Variants in PGPEP1 observed in about 807,000 individuals in gnomAD.
PGPEP1 encodes the protein pyroglutamyl-peptidase I.
A neutral mutation model predicts 24.1 loss-of-function variants in PGPEP1; 15 were observed. That is an observed-to-expected ratio of 0.62 (90% CI 0.42 to 0.96). The LOEUF (loss-of-function observed/expected upper bound fraction) is 0.96, where lower values mean the gene tolerates loss of function less well. PGPEP1 is among the 40% of genes least tolerant of loss of function. The pLI, the probability that PGPEP1 is intolerant of heterozygous loss-of-function variation, is 0.00. For synonymous variants in PGPEP1, 122 were observed against 116.4 expected (o/e 1.05, Z -0.31); for missense variants, 242 against 273.4 (o/e 0.89, Z 0.81).
At chr19:18,356,366 G>A (rs996490565) in intron 3 of PGPEP1, among the ~76,000 whole-genome samples, 4 of 151,822 alleles carry the variant, frequency 2.6e-5, no homozygotes, top group Non-Finnish European at 4.4e-5. Flanking sequence ...CCCGGGAGGC[G>A]GAGGTTGCGG....
Position 18,369,244 on chromosome 19 carries a change from T to A in PGPEP1, c.*5661T>A, listed in dbSNP as rs1001156425. The A allele has an allele frequency of 6.6e-6, 1 of 152,322 alleles. No homozygotes were observed. Among genetic ancestry groups the A allele is most frequent in the Admixed American group, 6.5e-5 (1 of 15,284 alleles). 9.4% of individuals were successfully genotyped at this position (152,322 alleles called of 1,614,324 possible). On this transcript the variant is annotated 3_prime_UTR_variant, in exon 5 of 5. Coordinates refer to ENST00000269919, the MANE Select transcript of PGPEP1 (RefSeq NM_017712.4). Reference sequence around the variant, plus strand: ...CTGAGTGGGGGGGGACTCCCAGGACTTGAGGGACCCAGTCCCACCCCAAAC... The same window carrying A: ...CTGAGTGGGGGGGGACTCCCAGGACATGAGGGACCCAGTCCCACCCCAAAC...
intron 2 of PGPEP1, among the ~76,000 whole-genome samples, chr19:18,345,378 T>A (rs1225973099): frequency 1.3e-5 from 2 of 152,080 alleles, no homozygotes; most frequent in Non-Finnish European, 2.9e-5. Context: ...GCCAACCTTC[T>A]TAGATCTGAT....
At chr19:18,357,795 G>A in intron 4 of PGPEP1, 180 bp downstream of exon 4, 3 of 600,130 alleles carry the variant, frequency 5.0e-6, no homozygotes, top group Non-Finnish European at 9.0e-6. Flanking sequence ...TGGGACTCAT[G>A]GATCTGCCCA....
chr19:18,349,614 T>C (rs1399799957), intron 2 of PGPEP1, among the ~76,000 whole-genome samples: 4 of 152,174 alleles, frequency 2.6e-5, no homozygotes, highest in Non-Finnish European at 5.9e-5. Context: ...TTGTTTTTGA[T>C]TTTGTAAAAC....
chr19:18,355,310 G>T (rs891928214), intron 2 of PGPEP1, among the ~76,000 whole-genome samples: 3 of 151,264 alleles, frequency 2.0e-5, no homozygotes, highest in Non-Finnish European at 4.4e-5. Context: ...GCCCAGGCTG[G>T]AGTGCAGTTA....
chr19:18,342,838 T>C, intron 1 of PGPEP1, 21 bp from the exon 2 acceptor site: 2 of 1,607,014 alleles, frequency 1.2e-6, no homozygotes, highest in Non-Finnish European at 1.7e-6. Context: ...GGGTAATATA[T>C]TGCTTTTCCT....
intron 1 of PGPEP1, among the ~76,000 whole-genome samples, chr19:18,341,456 G>T (rs1178193303): frequency 6.6e-6 from 1 of 152,168 alleles, no homozygotes. Flanking sequence ...CAAGGAGTGG[G>T]GGGGTCATTT....
At chr19:18,350,386 C>T (rs956854321) in intron 2 of PGPEP1, among the ~76,000 whole-genome samples, 2 of 152,096 alleles carry the variant, frequency 1.3e-5, no homozygotes, top group South Asian at 4.1e-4. Flanking sequence ...TAGGGGAAGA[C>T]GCATTTATAA....
intron 3 of PGPEP1, among the ~76,000 whole-genome samples, chr19:18,356,463 C>G (rs1320963572): frequency 1.3e-5 from 2 of 150,816 alleles, no homozygotes; most frequent in East Asian, 3.9e-4. Context: ...AAGGGCTATC[C>G]AGGCCAAGGG....
In PGPEP1 at chr19:18,365,042, T is replaced by C. The variant is rs1425388768; in HGVS notation, c.*1459T>C. On this transcript the variant is annotated 3_prime_UTR_variant, in exon 5 of 5. Transcript: ENST00000269919. ...AATTCCGGGCGGCCAAAGGGTTTTA[T>C]GTAGATTGCTTTTGGACACTCGCCC... The C allele has an allele frequency of 6.6e-6, 1 of 152,060 alleles. No individual in the cohort carries two copies. The highest frequency in any genetic ancestry group is 1.5e-5 in the Non-Finnish European group (1 of 68,022). 9.4% of individuals were successfully genotyped at this position (152,060 alleles called of 1,614,324 possible).
intron 3 of PGPEP1, 39 bp from the exon 4 acceptor site, chr19:18,357,344 G>T: frequency 1.3e-6 from 2 of 1,529,736 alleles, no homozygotes; most frequent in Non-Finnish European, 1.8e-6. Flanking sequence ...TGAGTCCCAC[G>T]GGCAGGCCAT....
intron 1 of PGPEP1, among the ~76,000 whole-genome samples, chr19:18,341,186 C>T (rs918096536): frequency 6.6e-6 from 1 of 152,180 alleles, no homozygotes; most frequent in African/African-American, 2.4e-5. Context: ...CCAGTCACTG[C>T]TCGCCGCGCC....
chr19:18,362,733 A>AC (rs1383564731), intron 4 of PGPEP1, among the ~76,000 whole-genome samples: 17 of 151,650 alleles, frequency 1.1e-4, no homozygotes, highest in African/African-American at 3.9e-4. Flanking sequence ...TCTCAAAAAA[A>AC]AAAAAAAAAA....
At position 18,368,748 on chromosome 19, in the gene PGPEP1, G is replaced by T. The variant is rs2144599551; in HGVS notation, c.*5165G>T. The T allele has an allele frequency of 6.5e-6, 1 of 152,814 alleles. No individual in the cohort carries two copies. The highest frequency in any genetic ancestry group is 2.4e-5 in the African/African-American group (1 of 41,560). 9.5% of individuals were successfully genotyped at this position (152,814 alleles called of 1,614,324 possible). On this transcript the variant is annotated 3_prime_UTR_variant, in exon 5 of 5. Transcript: ENST00000269919. ...GCCTTTGACCTCTCTGCCTCTTGTGGCGTCTGAACCTAGACGTCCCTTTTG... is the reference window on the plus strand; with the variant it reads ...GCCTTTGACCTCTCTGCCTCTTGTGTCGTCTGAACCTAGACGTCCCTTTTG...
In PGPEP1 at chr19:18,364,083, G is replaced by GCTTGCTTGCTTTCTTTCTTTCTTT. The variant is rs1555713520; in HGVS notation, c.*503_*504insGCTTGCTTTCTTTCTTTCTTTCTT. On this transcript the variant is annotated 3_prime_UTR_variant, in exon 5 of 5. Coordinates refer to ENST00000269919, the MANE Select transcript of PGPEP1 (RefSeq NM_017712.4). ...ACCCTGGGATATGGCTGGCTGGCTG[G>GCTTGCTTGCTTTCTTTCTTTCTTT]CTTTCTTTCTTTCTTTCTTTCTTTC... The GCTTGCTTGCTTTCTTTCTTTCTTT allele has an allele frequency of 2.3e-5, 2 of 86,644 alleles. No individual in the cohort carries two copies. The highest frequency in any genetic ancestry group is 7.5e-5 in the African/African-American group (2 of 26,692). 5.4% of individuals were successfully genotyped at this position (86,644 alleles called of 1,614,324 possible).
At position 18,357,895 on chromosome 19, in the gene PGPEP1, T is replaced by G; in HGVS notation, c.437+280T>G. On this transcript the variant is annotated intron_variant, in intron 4 of 4. Transcript: ENST00000269919. ...CCTCCATCTCAGTCTTCCTCCCTGC[T>G]GCCTCCACCCCAACCCAAGCAGTCA... 3 of 468,928 alleles carry G rather than the reference T, an allele frequency of 6.4e-6. No homozygotes were observed. In the South Asian group the frequency reaches 7.2e-5, roughly 11 times the overall value. 29.0% of individuals were successfully genotyped at this position (468,928 alleles called of 1,614,324 possible).
chr19:18,343,292 G>A (rs1303339185), intron 2 of PGPEP1, among the ~76,000 whole-genome samples: 2 of 152,000 alleles, frequency 1.3e-5, no homozygotes, highest in South Asian at 2.1e-4. Flanking sequence ...GAGCCACTAC[G>A]CCCAGCCAGC....
At chr19:18,357,901 C>T in intron 4 of PGPEP1, 1 of 452,970 alleles carries the variant, frequency 2.2e-6, no homozygotes, top group Non-Finnish European at 4.1e-6. Context: ...CTGCTGCCTC[C>T]ACCCCAACCC....
At chr19:18,351,608 A>G (rs11086107) in intron 2 of PGPEP1, among the ~76,000 whole-genome samples, 93,982 of 145,192 alleles carry the variant, frequency 0.65, 30,834 homozygotes, top group Middle Eastern at 0.78. Flanking sequence ...TGGGCAACAA[A>G]AGCAAAACTC....
Sources: allele counts gnomAD v4.1 joint callset (sites outside exome capture counted in the v4.1 genomes callset), GRCh38; gene constraint gnomAD v4.1.1; transcripts MANE v1.5; gene names NCBI Gene and HGNC (gene_info 2026-07-23, HGNC 2026-07-21).